Variants in LPCAT1 observed in about 807,000 individuals in gnomAD.
The protein encoded by LPCAT1 is 1-acylglycerol-3-phosphate O-acyltransferase.
Under a neutral mutation model 60.9 loss-of-function variants are expected in LPCAT1, and 23 were observed. The observed-to-expected ratio is 0.38, with a 90% CI of 0.27 to 0.53. The LOEUF is 0.53. LPCAT1 is among the 20% of genes least tolerant of loss of function. The pLI is 0.82. For synonymous variants in LPCAT1, 340 were observed against 301.1 expected, an observed-to-expected ratio of 1.13 and a Z score of -1.34; for missense variants, 622 against 723.6, an observed-to-expected ratio of 0.86 and a Z score of 1.61.
At position 1,470,867 on chromosome 5, in the gene LPCAT1, G is replaced by A. The variant is rs375661111; in HGVS notation, c.1237C>T (p.Arg413Trp). 14 of 1,613,458 alleles carry A rather than the reference G, an allele frequency of 8.7e-6. No individual in the cohort carries two copies. Among genetic ancestry groups the A allele is most frequent in the South Asian group, 5.5e-5 (5 of 91,076 alleles). The change falls in exon 12 of 14, where the codon CGG (arginine) becomes TGG (tryptophan). Residue 413 changes from arginine to tryptophan, a missense_variant. By Grantham distance (101) the Arg-to-Trp change is moderately radical. This residue lies in a region of LPCAT1 where 288 missense variants were observed against 283.6 expected (regional missense o/e 1.02). Coordinates refer to ENST00000283415, the MANE Select transcript of LPCAT1 (RefSeq NM_024830.5). ...ECVVALSVVC[R>W]PARTLDTIQL... ...ATGGTGTCCAGGGTCCGGGCCGGCC[G>A]GCAGACGACAGACAGGGCAACCACA...
chr5:1,485,544 T>C (rs1274416541), intron 5 of LPCAT1, among the ~76,000 whole-genome samples: 1 of 152,150 alleles, frequency 6.6e-6, no homozygotes, highest in Admixed American at 6.5e-5. Context: ...ACGTCACTAG[T>C]TGCAACAATG....
In LPCAT1 at chr5:1,463,778, G is replaced by A. The variant is rs746713358; in HGVS notation, c.1478C>T (p.Pro493Leu). 15 of 1,614,254 alleles carry A rather than the reference G, an allele frequency of 9.3e-6. No individual in the cohort carries two copies. The highest frequency in any genetic ancestry group is 1.6e-4 in the Middle Eastern group (1 of 6,062). Residue 493 changes from proline (P) to leucine (L), a missense_variant, in exon 14 of 14, where the codon CCG (proline) becomes CTG (leucine). Pro to Leu is a moderately conservative substitution (Grantham distance 98). Around this residue, in one of 3 missense-constraint regions of LPCAT1, gnomAD observed 288 missense variants for 283.6 expected, o/e 1.02. Transcript: ENST00000283415. ...ACAGCTTTCGAAATGTGTCTGATCC[G>A]GGTACAGGTATTCCTCTGCGAAGGC... ...YPAFAEEYLY[P>L]DQTHFESCAE...
intron 5 of LPCAT1, among the ~76,000 whole-genome samples, chr5:1,484,480 G>A (rs539739516): frequency 2.6e-4 from 40 of 152,344 alleles, no homozygotes; most frequent in Middle Eastern, 6.8e-3. Flanking sequence ...CCTGCCTGGC[G>A]ACCTGAGGCC....
intron 1 of LPCAT1, among the ~76,000 whole-genome samples, chr5:1,516,967 G>A (rs900111377): frequency 6.6e-6 from 1 of 152,242 alleles, no homozygotes; most frequent in Non-Finnish European, 1.5e-5. Context: ...GGATGCATTG[G>A]TTTTAATACA....
intron 13 of LPCAT1, 65 bp downstream of exon 13, chr5:1,466,684 C>G: frequency 6.6e-7 from 1 of 1,509,468 alleles, no homozygotes; most frequent in South Asian, 1.3e-5. Flanking sequence ...CACGGAGACT[C>G]GCCCCACACT....
chr5:1,522,456 C>G lies in LPCAT1; in HGVS notation c.135+1254G>C, dbSNP rs577693446. 6.6e-6 allele frequency among the ~76,000 whole-genome samples: 1 copy of G among 152,168 alleles called. No homozygotes were observed. The highest frequency in any genetic ancestry group is 6.5e-5 in the Admixed American group (1 of 15,304). On this transcript the variant is annotated intron_variant, in intron 1 of 13. Transcript: ENST00000283415. The surrounding 1 kb of genome is among the most constrained non-coding windows in gnomAD (Gnocchi z 6.8). ...GTCCAGCTCCCGACACACAGGGAGACGGGGGCCAGGGCCTGGGAGCCAGGC... is the reference window on the plus strand; with the variant it reads ...GTCCAGCTCCCGACACACAGGGAGAGGGGGGCCAGGGCCTGGGAGCCAGGC...
At chr5:1,501,674 C>T in intron 1 of LPCAT1, 71 bp from the exon 2 acceptor site, 2 of 1,526,358 alleles carry the variant, frequency 1.3e-6, no homozygotes, top group South Asian at 1.1e-5. Context: ...CCGGCAGAGG[C>T]TAGCCCAGGG....
chr5:1,472,491 T>C (rs1734723326), intron 11 of LPCAT1, among the ~76,000 whole-genome samples: 1 of 152,060 alleles, frequency 6.6e-6, no homozygotes, highest in East Asian at 1.9e-4. Flanking sequence ...TGGGAAGGTC[T>C]CGGGCTGGGG....
In LPCAT1 at chr5:1,523,724, G is replaced by A. The variant is rs1158367734; in HGVS notation, c.121C>T (p.Leu41=). 6.9e-6 allele frequency: 8 copies of A among 1,161,012 alleles called. No individual in the cohort carries two copies. Among genetic ancestry groups the A allele is most frequent in the Non-Finnish European group, 8.5e-6 (8 of 936,960 alleles). 71.9% of individuals were successfully genotyped at this position (1,161,012 alleles called of 1,614,324 possible). Reference sequence around the variant, plus strand: ...TGGGCACCCACCTGGGCCTTCTGCAGGGCGCTGAGGCGCAGCTCGTGCACG... The same window carrying A: ...TGGGCACCCACCTGGGCCTTCTGCAAGGCGCTGAGGCGCAGCTCGTGCACG... The part of the protein sequence containing the change: ...PFVHELRLSA[L]QKAQVALMTL... The change falls in exon 1 of 14, where the codon CTG becomes TTG. Residue 41 remains leucine, a synonymous_variant. Coordinates refer to ENST00000283415, the MANE Select transcript of LPCAT1 (RefSeq NM_024830.5). The surrounding 1 kb of genome is among the most constrained non-coding windows in gnomAD (Gnocchi z 7.1).
rs555045720 is a variant in LPCAT1 at position 1,495,776 on chromosome 5, A to C, written c.279-862T>G. Among the ~76,000 whole-genome samples the C allele has an allele frequency of 5.4e-4, 82 of 152,312 alleles. No individual in the cohort carries two copies. The highest frequency in any genetic ancestry group is 9.3e-4 in the Non-Finnish European group (63 of 68,024). On this transcript the variant is annotated intron_variant, in intron 2 of 13. Transcript: ENST00000283415. This position sits in a 1 kb window ranked among gnomAD's most constrained non-coding sequence, Gnocchi z 4.7. Reference sequence around the variant, plus strand: ...CACTGGGTAAAACTACTGCACAGAGAAACAAGAGCCTGAAGCCTTACTGGA... The same window carrying C: ...CACTGGGTAAAACTACTGCACAGAGCAACAAGAGCCTGAAGCCTTACTGGA...
At chr5:1,469,273 A>G (rs1189899443) in intron 12 of LPCAT1, among the ~76,000 whole-genome samples, 1 of 152,118 alleles carries the variant, frequency 6.6e-6, no homozygotes, top group Non-Finnish European at 1.5e-5. Flanking sequence ...CCCCACCCCA[A>G]GCAGGGACCC....
chr5:1,464,434 G>C lies in LPCAT1; in HGVS notation c.1421-599C>G, dbSNP rs1239062350. On this transcript the variant is annotated intron_variant, in intron 13 of 13. Coordinates refer to ENST00000283415, the MANE Select transcript of LPCAT1 (RefSeq NM_024830.5). ...ACTCAGAACCTGGGCCACCCGGCGA[G>C]AAATCCAGGGATGGTTGTTACTGGA... is the stretch of plus-strand genomic sequence containing the variant. 2.0e-5 allele frequency among the ~76,000 whole-genome samples: 3 copies of C among 152,224 alleles called. No homozygotes were observed. The East Asian group carries it at 5.8e-4, about 29-fold the overall frequency.
Position 1,487,535 on chromosome 5 carries a change from T to C in LPCAT1, c.667+856A>G, listed in dbSNP as rs564473516. Among the ~76,000 whole-genome samples, 118 of 151,948 alleles carry C rather than the reference T, an allele frequency of 7.8e-4. 1 individual carries two copies. The South Asian group carries it at 0.023, about 30-fold the overall frequency. ...GGCTCGGAAACCCCGGCGGCACACG[T>C]AGGTGAGTGACTGCACACTTTCTCG... On this transcript the variant is annotated intron_variant, in intron 5 of 13. Transcript: ENST00000283415. This position sits in a 1 kb window ranked among gnomAD's most constrained non-coding sequence, Gnocchi z 6.1.
chr5:1,492,633 A>G (rs1005973215), intron 3 of LPCAT1, among the ~76,000 whole-genome samples: 3 of 152,230 alleles, frequency 2.0e-5, no homozygotes, highest in Non-Finnish European at 2.9e-5. Context: ...TGCACACAGC[A>G]GCATGGCTGT....
chr5:1,495,375 G>A lies in LPCAT1; in HGVS notation c.279-461C>T, dbSNP rs776112061. 1.3e-5 allele frequency among the ~76,000 whole-genome samples: 2 copies of A among 151,896 alleles called. No homozygotes were observed. Among genetic ancestry groups the A allele is most frequent in the Non-Finnish European group, 1.5e-5 (1 of 67,990 alleles). On this transcript the variant is annotated intron_variant, in intron 2 of 13. Transcript: ENST00000283415. The surrounding 1 kb of genome is among the most constrained non-coding windows in gnomAD (Gnocchi z 4.7). ...GCTGAGGGCGGAAGCTGAGACCTGC[G>A]TGCGAACTTCCCCATCTCATCTCCA... is the stretch of plus-strand genomic sequence containing the variant.
rs973057569 is a variant in LPCAT1 at position 1,523,685 on chromosome 5, G to A, written c.135+25C>T. 82 of 1,080,826 alleles carry A rather than the reference G, an allele frequency of 7.6e-5. 1 individual carries two copies. In the African/African-American group the frequency reaches 1.3e-3, roughly 17 times the overall value. The allele number at this position is 1,080,826 out of a possible 1,614,324, so 67.0% of individuals were successfully genotyped here. A position where few individuals can be genotyped will look rare whatever the true frequency, so the allele number is the denominator to read the frequency against. On this transcript the variant is annotated intron_variant, in intron 1 of 13. Coordinates refer to ENST00000283415, the MANE Select transcript of LPCAT1 (RefSeq NM_024830.5). The surrounding 1 kb of genome is among the most constrained non-coding windows in gnomAD (Gnocchi z 7.1). The stretch of plus-strand genomic sequence containing the variant: ...ATCCCTGGCGTCCGCGCCGGCTCCC[G>A]GGGCCGCGCGCCCTGGGCACCCACC...
At chr5:1,468,068 T>C (rs531092192) in intron 12 of LPCAT1, among the ~76,000 whole-genome samples, 2 of 152,188 alleles carry the variant, frequency 1.3e-5, no homozygotes, top group South Asian at 2.1e-4. Context: ...CGGCTCCTCC[T>C]TGCGGTGCTC....
intron 11 of LPCAT1, among the ~76,000 whole-genome samples, chr5:1,471,692 C>G (rs1734674435): frequency 6.6e-6 from 1 of 151,218 alleles, no homozygotes; most frequent in Admixed American, 6.6e-5. Context: ...AGGAAGAGAG[C>G]AGCAGGAGCA....
chr5:1,467,480 T>C (rs549727671), intron 12 of LPCAT1, among the ~76,000 whole-genome samples: 2 of 152,234 alleles, frequency 1.3e-5, no homozygotes, highest in Admixed American at 6.5e-5. Context: ...CTCTTCCTCC[T>C]GCTCCAGGTG....
Sources: allele counts gnomAD v4.1 joint callset (sites outside exome capture counted in the v4.1 genomes callset), GRCh38; gene constraint gnomAD v4.1.1; regional missense constraint gnomAD v4.1.1; non-coding constraint Gnocchi (gnomAD v3.1); transcripts MANE v1.5; gene names NCBI Gene and HGNC (gene_info 2026-07-23, HGNC 2026-07-21).